The following MYO3B variants were observed in gnomAD, a reference collection of about 807,000 sequenced individuals.
MYO3B encodes myosin IIIB.
Under a neutral mutation model 174.6 loss-of-function variants are expected in MYO3B, and 156 were observed. That is an observed-to-expected ratio of 0.89 (90% CI 0.78 to 1.02). The LOEUF (loss-of-function observed/expected upper bound fraction) is 1.02, where lower values mean the gene tolerates loss of function less well. MYO3B is among the 50% of genes least tolerant of loss of function. The pLI, the probability that MYO3B is intolerant of heterozygous loss-of-function variation, is 0.00. For synonymous variants in MYO3B, 563 were observed against 569.1 expected (o/e 0.99, Z 0.15); for missense variants, 1,632 against 1,639.4 (o/e 1.00, Z 0.08).
At chr2:170,458,953 C>T (rs949779932) in intron 23 of MYO3B, among the ~76,000 whole-genome samples, 5 of 152,082 alleles carry the variant, frequency 3.3e-5, no homozygotes, top group Non-Finnish European at 7.4e-5. Context: ...CATGGACCCT[C>T]GCGGTGAGTG....
Position 170,427,696 on chromosome 2 carries a change from A to T in MYO3B, c.2651-16271A>T, listed in dbSNP as rs545694884. On this transcript the variant is annotated intron_variant, in intron 22 of 34. Coordinates refer to ENST00000408978, the MANE Select transcript of MYO3B (RefSeq NM_138995.5). ...TAAGTTGCTATAGTTTTTCCCAAGG[A>T]TATATACATATACATGGATGTTTAT... Among the ~76,000 whole-genome samples, 7 of 152,304 alleles carry T rather than the reference A, an allele frequency of 4.6e-5. No individual in the cohort carries two copies. The South Asian group carries it at 1.5e-3, about 32-fold the overall frequency.
chr2:170,651,233 T>A (rs1698990835), intron 32 of MYO3B, among the ~76,000 whole-genome samples: 4 of 152,210 alleles, frequency 2.6e-5, no homozygotes, highest in Non-Finnish European at 4.4e-5. Flanking sequence ...CTCCAGATGT[T>A]TTTGAACTCT....
intron 9 of MYO3B, among the ~76,000 whole-genome samples, chr2:170,372,160 A>C (rs1025050087): frequency 6.6e-5 from 10 of 150,496 alleles, no homozygotes; most frequent in Non-Finnish European, 1.2e-4. Flanking sequence ...AACAACAAAG[A>C]AAAAAATCTA....
chr2:170,420,761 G>A (rs900845677), intron 22 of MYO3B, among the ~76,000 whole-genome samples: 4 of 152,088 alleles, frequency 2.6e-5, no homozygotes, highest in African/African-American at 9.7e-5. Flanking sequence ...TGGGTCTCCT[G>A]TTTCATTTAT....
intron 23 of MYO3B, 71 bp downstream of exon 23, chr2:170,444,117 TG>T: frequency 7.3e-7 from 1 of 1,361,930 alleles, no homozygotes; most frequent in Non-Finnish European, 1.0e-6. Context: ...AATCTTAGAG[TG>T]GGCAGCATTA....
intron 16 of MYO3B, among the ~76,000 whole-genome samples, chr2:170,392,831 G>A (rs941445425): frequency 6.6e-6 from 1 of 150,842 alleles, no homozygotes. Flanking sequence ...TTCATTACAC[G>A]TGTAATAACA....
rs774682222 is a variant in MYO3B, at chr2:170,514,885, A to C, written c.3371-36A>C. The C allele has an allele frequency of 1.9e-6, 3 of 1,588,308 alleles. No individual in the cohort carries two copies. In the African/African-American group the frequency reaches 4.0e-5, roughly 21 times the overall value. On this transcript the variant is annotated intron_variant, in intron 28 of 34. Transcript: ENST00000408978. ...TGGTAATTCATCTAGGTGTGGGAGC[A>C]TAACCTTGAGAAAGTCTTTTTGTTT...
intron 8 of MYO3B, among the ~76,000 whole-genome samples, chr2:170,367,980 TATA>T (rs2094211131): frequency 6.6e-6 from 1 of 152,172 alleles, no homozygotes; most frequent in Non-Finnish European, 1.5e-5. Flanking sequence ...CTGAATCAAT[TATA>T]AAATGGAGTA....
chr2:170,582,708 G>C lies in MYO3B; in HGVS notation c.3733+38720G>C, dbSNP rs184142520. Among the ~76,000 whole-genome samples, 11 of 152,202 alleles carry C rather than the reference G, an allele frequency of 7.2e-5. No homozygotes were observed. In the East Asian group the frequency reaches 2.1e-3, roughly 29 times the overall value. ...AAGAAAAATCCCAGCAGGAGTTGTT[G>C]CTCCTAGTTCCCCTGGAAAAGCGAA... On this transcript the variant is annotated intron_variant, in intron 32 of 34. Coordinates refer to ENST00000408978, the MANE Select transcript of MYO3B (RefSeq NM_138995.5).
intron 7 of MYO3B, among the ~76,000 whole-genome samples, chr2:170,244,607 G>A (rs1235093340): frequency 6.6e-6 from 1 of 152,194 alleles, no homozygotes; most frequent in Non-Finnish European, 1.5e-5. Flanking sequence ...CTTCAAATAA[G>A]GGAAGAGGGC....
At chr2:170,626,531 C>A (rs1407758348) in intron 32 of MYO3B, among the ~76,000 whole-genome samples, 1 of 152,168 alleles carries the variant, frequency 6.6e-6, no homozygotes. Context: ...TCAATTGGAG[C>A]ATTTAGCCCA....
rs553665518 is a variant in MYO3B at position 170,402,167 on chromosome 2, T to C, written c.2129+476T>C. ...CCTGAGGTTGCAATTTTTTGAATTT[T>C]TTCATCAGACCTTGGCGATGACCTT... On this transcript the variant is annotated intron_variant, in intron 18 of 34. Transcript: ENST00000408978. Among the ~76,000 whole-genome samples, 17 of 152,346 alleles carry C rather than the reference T, an allele frequency of 1.1e-4. No individual in the cohort carries two copies. In the East Asian group the frequency reaches 2.1e-3, roughly 19 times the overall value.
At chr2:170,527,750 C>A (rs538298398) in intron 30 of MYO3B, among the ~76,000 whole-genome samples, 24 of 152,344 alleles carry the variant, frequency 1.6e-4, no homozygotes, top group African/African-American at 5.5e-4. Flanking sequence ...TTACCTCATG[C>A]CGCCATTGTG....
intron 32 of MYO3B, among the ~76,000 whole-genome samples, chr2:170,637,043 A>AC (rs1697556488): frequency 6.6e-6 from 1 of 151,722 alleles, no homozygotes; most frequent in African/African-American, 2.4e-5. Flanking sequence ...CACAGGAGAT[A>AC]CCCATTTCTC....
At chr2:170,255,909 C>G (rs1157907953) in intron 7 of MYO3B, among the ~76,000 whole-genome samples, 1 of 152,140 alleles carries the variant, frequency 6.6e-6, no homozygotes, top group African/African-American at 2.4e-5. Flanking sequence ...GTTGTTGATA[C>G]AAGAGTTGGA....
intron 7 of MYO3B, among the ~76,000 whole-genome samples, chr2:170,242,592 T>C (rs1184969556): frequency 6.6e-6 from 1 of 152,114 alleles, no homozygotes; most frequent in Non-Finnish European, 1.5e-5. Context: ...GCAGGGAGAA[T>C]TTAGCTTTGC....
intron 6 of MYO3B, among the ~76,000 whole-genome samples, chr2:170,234,269 A>G (rs187197362): frequency 3.4e-4 from 52 of 152,168 alleles, no homozygotes; most frequent in Admixed American, 9.2e-4. Context: ...GAGACTGGGT[A>G]ATTTATAAAG....
chr2:170,549,903 A>C (rs776612545), intron 32 of MYO3B, among the ~76,000 whole-genome samples: 1 of 152,240 alleles, frequency 6.6e-6, no homozygotes, highest in Non-Finnish European at 1.5e-5. Context: ...TGCTATGATC[A>C]TAAAGGGCTA....
chr2:170,572,880 G>A (rs1457024624), intron 32 of MYO3B, among the ~76,000 whole-genome samples: 2 of 152,142 alleles, frequency 1.3e-5, no homozygotes, highest in East Asian at 1.9e-4. Context: ...AATATTATGA[G>A]AAATAATTAA....
Sources: gnomAD v4.1 joint callset for allele counts (sites outside exome capture counted in the v4.1 genomes callset) on GRCh38, gnomAD v4.1.1 for gene constraint, MANE v1.5 for transcripts, NCBI Gene and HGNC (gene_info 2026-07-23, HGNC 2026-07-21) for gene names.